Variants in CCDC171 observed in about 807,000 individuals in gnomAD.
CCDC171 encodes the protein coiled-coil domain containing 171.
A neutral mutation model predicts 168.2 loss-of-function variants in CCDC171; 177 were observed. The ratio of observed to expected loss-of-function variants is 1.05; its 90% CI spans 0.93 to 1.19. The LOEUF is 1.19. CCDC171 is among the 50% of genes most tolerant of loss of function. CCDC171 has a pLI of 0.00. For synonymous variants in CCDC171, 687 were observed against 540.8 expected, an observed-to-expected ratio of 1.27 and a Z score of -3.75; for missense variants, 1,991 against 1,539.0, an observed-to-expected ratio of 1.29 and a Z score of -4.91.
chr9:15,962,317 C>T (rs370079751), intron 25 of CCDC171, among the ~76,000 whole-genome samples: 16 of 152,104 alleles, frequency 1.1e-4, no homozygotes, highest in Admixed American at 3.9e-4. Context: ...TTTTTCACCG[C>T]GTAGCTATAG....
At chr9:15,739,368 A>C (rs2054699694) in intron 16 of CCDC171, among the ~76,000 whole-genome samples, 1 of 152,208 alleles carries the variant, frequency 6.6e-6, no homozygotes, top group African/African-American at 2.4e-5. Flanking sequence ...CAGTGGGAGA[A>C]GGTGAATTCT....
At chr9:15,779,866 A>G (rs546597426) in intron 20 of CCDC171, among the ~76,000 whole-genome samples, 1 of 152,358 alleles carries the variant, frequency 6.6e-6, no homozygotes, top group South Asian at 2.1e-4. Context: ...GTGAAGCACA[A>G]TATAATGCAG....
At chr9:15,780,853 G>A (rs563306174) in intron 20 of CCDC171, among the ~76,000 whole-genome samples, 27 of 126,990 alleles carry the variant, frequency 2.1e-4, no homozygotes, top group Non-Finnish European at 4.4e-4. Flanking sequence ...CCTTTTCTTA[G>A]ATATGTGATT....
rs59900551 is a variant in CCDC171 at position 15,693,473 on chromosome 9, CA to C, written c.1216-1750del. Among the ~76,000 whole-genome samples, 252 of 141,210 alleles carry C rather than the reference CA, an allele frequency of 1.8e-3. 3 individuals are homozygous for C. The South Asian group carries it at 0.031, about 18-fold the overall frequency. The allele number at this position is 141,210 out of a possible 152,430, so 92.6% of individuals were successfully genotyped here. A position where few individuals can be genotyped will look rare whatever the true frequency, so the allele number is the denominator to read the frequency against. On this transcript the variant is annotated intron_variant, in intron 10 of 25. Coordinates refer to ENST00000380701, the MANE Select transcript of CCDC171 (RefSeq NM_173550.4). ...AACACTGGGGATACACTGGTGAGGA[CA>C]AAAAAAAAAAACAGACATTTACTCC...
intron 7 of CCDC171, among the ~76,000 whole-genome samples, chr9:15,626,794 T>C (rs993385056): frequency 5.3e-5 from 8 of 151,866 alleles, no homozygotes; most frequent in Admixed American, 3.3e-4. Flanking sequence ...AGTTGTGTCT[T>C]TGCCAGGCTT....
At chr9:15,654,363 A>G (rs2047758790) in intron 7 of CCDC171, among the ~76,000 whole-genome samples, 1 of 152,188 alleles carries the variant, frequency 6.6e-6, no homozygotes, top group South Asian at 2.1e-4. Flanking sequence ...AAGCAGGATT[A>G]CTCCATGACT....
At chr9:15,914,668 C>G (rs1563992923) in intron 24 of CCDC171, among the ~76,000 whole-genome samples, 1 of 140,542 alleles carries the variant, frequency 7.1e-6, no homozygotes, top group Non-Finnish European at 1.6e-5. Flanking sequence ...TTCTGTCTTG[C>G]TAGTGTTCCA....
At chr9:15,562,471 C>T (rs1249427800) in intron 1 of CCDC171, among the ~76,000 whole-genome samples, 1 of 152,140 alleles carries the variant, frequency 6.6e-6, no homozygotes, top group Non-Finnish European at 1.5e-5. Context: ...GATGCTATCT[C>T]TCTAGAGGAC....
At chr9:16,029,734 A>G (rs953352367) in intron 6 of CCDC171, among the ~76,000 whole-genome samples, 5 of 152,208 alleles carry the variant, frequency 3.3e-5, no homozygotes, top group African/African-American at 1.2e-4. Flanking sequence ...AGAAGGAGAA[A>G]GACTTGGGAA....
At chr9:15,949,042 G>T (rs1056549210) in intron 25 of CCDC171, among the ~76,000 whole-genome samples, 1 of 152,004 alleles carries the variant, frequency 6.6e-6, no homozygotes, top group Non-Finnish European at 1.5e-5. Flanking sequence ...TCTACATATG[G>T]CTAGCCAGTT....
intron 11 of CCDC171, among the ~76,000 whole-genome samples, chr9:15,700,900 G>GT (rs796112391): frequency 1.7e-3 from 249 of 145,332 alleles, no homozygotes; most frequent in Middle Eastern, 0.011. Context: ...CCCATTATTA[G>GT]TTTTTTTTTT....
At chr9:15,564,735 C>T (rs557960943) in intron 2 of CCDC171, among the ~76,000 whole-genome samples, 1 of 152,216 alleles carries the variant, frequency 6.6e-6, no homozygotes, top group African/African-American at 2.4e-5. Flanking sequence ...CAGTGCCACT[C>T]TCTCCTAAGT....
At chr9:15,572,818 A>G (rs554590132) in intron 3 of CCDC171, among the ~76,000 whole-genome samples, 2 of 152,270 alleles carry the variant, frequency 1.3e-5, no homozygotes, top group South Asian at 4.1e-4. Context: ...CATATTGCTT[A>G]TGTTTACTGG....
chr9:16,021,565 T>A (rs528680270), intron 4 of CCDC171, among the ~76,000 whole-genome samples: 1 of 152,322 alleles, frequency 6.6e-6, no homozygotes, highest in East Asian at 1.9e-4. Flanking sequence ...ACTTGCTAGA[T>A]TTGCAATAAA....
At chr9:15,608,212 C>G (rs939204002) in intron 6 of CCDC171, among the ~76,000 whole-genome samples, 16 of 152,174 alleles carry the variant, frequency 1.1e-4, no homozygotes, top group Admixed American at 4.6e-4. Context: ...CTCTTAAAGG[C>G]CCCACTTCTC....
At chr9:15,823,275 G>A (rs915465302) in intron 21 of CCDC171, among the ~76,000 whole-genome samples, 2 of 152,044 alleles carry the variant, frequency 1.3e-5, no homozygotes, top group Non-Finnish European at 2.9e-5. Flanking sequence ...GTATACGTAT[G>A]TAACAAACCT....
At chr9:15,809,715 G>C (rs1403140342) in intron 21 of CCDC171, among the ~76,000 whole-genome samples, 1 of 152,176 alleles carries the variant, frequency 6.6e-6, no homozygotes, top group East Asian at 1.9e-4. Flanking sequence ...GAGTGTTACA[G>C]CTCATAAAGG....
intron 18 of CCDC171, among the ~76,000 whole-genome samples, chr9:15,770,380 T>C (rs1451168415): frequency 6.6e-6 from 1 of 152,218 alleles, no homozygotes. Flanking sequence ...TTGAAAACTA[T>C]ATTACAGAAA....
chr9:15,627,040 C>T (rs1329635094), intron 7 of CCDC171, among the ~76,000 whole-genome samples: 5 of 152,124 alleles, frequency 3.3e-5, no homozygotes, highest in African/African-American at 4.8e-5. Flanking sequence ...CTGGTTTAGT[C>T]TTGGGAGGGT....
Sources: allele counts gnomAD v4.1 joint callset (sites outside exome capture counted in the v4.1 genomes callset), GRCh38; gene constraint gnomAD v4.1.1; transcripts MANE v1.5; gene names NCBI Gene and HGNC (gene_info 2026-07-23, HGNC 2026-07-21).